Variants in MEGF6 observed in about 807,000 individuals in gnomAD.
The protein encoded by MEGF6 is multiple epidermal growth factor-like domains protein 6.
In MEGF6, 184 loss-of-function variants were observed where a neutral mutation model predicts 207.1. The observed-to-expected ratio is 0.89, with a 90% CI of 0.79 to 1.00. The LOEUF is 1.00. Ranked by LOEUF, MEGF6 falls within the 50% of genes least tolerant of loss-of-function variation. The pLI, the probability that MEGF6 is intolerant of heterozygous loss-of-function variation, is 0.00. For missense variants in MEGF6, 2,282 were observed against 2,202.9 expected, an observed-to-expected ratio of 1.04 and a Z score of -0.72; for synonymous variants, 1,038 against 910.0, an observed-to-expected ratio of 1.14 and a Z score of -2.53.
chr1:3,516,041 G>C (rs577569256), intron 5 of MEGF6, among the ~76,000 whole-genome samples: 63 of 152,320 alleles, frequency 4.1e-4, no homozygotes, highest in African/African-American at 1.4e-3. Context: ...TGGGCCACAG[G>C]CTTGGCCCCC....
rs558096928 is a variant in MEGF6 at position 3,490,691 on chromosome 1, G to GCAGCT, written c.4565-107_4565-103dup. The GCAGCT allele has an allele frequency of 7.9e-3, 8,622 of 1,091,442 alleles. 52 individuals are homozygous for GCAGCT. Among genetic ancestry groups the GCAGCT allele is most frequent in the Non-Finnish European group, 9.7e-3 (7,473 of 772,614 alleles). 67.6% of individuals were successfully genotyped at this position (1,091,442 alleles called of 1,614,324 possible). ...CCTCTCCCTCCCACCCCTCCCTTCA[G>GCAGCT]CAGCTCAGCCCAGCAGGTGGGTGGG... On this transcript the variant is annotated intron_variant, in intron 36 of 36. Transcript: ENST00000356575.
intron 1 of MEGF6, among the ~76,000 whole-genome samples, chr1:3,605,579 CAT>C (rs943741641): frequency 2.0e-5 from 3 of 151,150 alleles, no homozygotes; most frequent in Non-Finnish European, 4.4e-5. Context: ...CATACACACA[CAT>C]ACACTCATAC....
At chr1:3,544,248 C>T (rs1414297002) in intron 4 of MEGF6, among the ~76,000 whole-genome samples, 3 of 150,906 alleles carry the variant, frequency 2.0e-5, no homozygotes, top group Admixed American at 6.6e-5. Flanking sequence ...AGCATCGCAG[C>T]GGCATCAGGC....
the MEGF6 span, among the ~76,000 whole-genome samples, chr1:3,620,906 C>T: frequency 2.6e-5 from 4 of 152,212 alleles, no homozygotes; most frequent in Non-Finnish European, 4.4e-5. Context: ...GTTCACATGT[C>T]CACTGGACAG....
intron 2 of MEGF6, among the ~76,000 whole-genome samples, chr1:3,598,538 G>A (rs1353563168): frequency 4.6e-5 from 7 of 152,150 alleles, no homozygotes; most frequent in Admixed American, 3.3e-4. Flanking sequence ...GCCGGGCTAC[G>A]TGCTGCTTCC....
chr1:3,540,490 C>T (rs184461680), intron 4 of MEGF6, among the ~76,000 whole-genome samples: 18 of 152,312 alleles, frequency 1.2e-4, no homozygotes, highest in East Asian at 9.7e-4. Context: ...GGCCCATGGG[C>T]GAGGGATGCT....
chr1:3,598,706 T>G, intron 2 of MEGF6, among the ~76,000 whole-genome samples: 2 of 129,564 alleles, frequency 1.5e-5, no homozygotes, highest in Non-Finnish European at 3.2e-5. Flanking sequence ...GGGGTCGTCA[T>G]GGTAACGAGC....
chr1:3,531,123 C>T (rs2101375939), intron 4 of MEGF6: 1 of 1,529,474 alleles, frequency 6.5e-7, no homozygotes, highest in African/African-American at 1.4e-5. Flanking sequence ...CGGCCTGGCC[C>T]AGGTGACATG....
At chr1:3,499,449 C>T in intron 23 of MEGF6, 139 bp downstream of exon 23, 2 of 1,423,194 alleles carry the variant, frequency 1.4e-6, no homozygotes, top group African/African-American at 2.8e-5. Context: ...ACGCTCTGGC[C>T]CGAGTGAGCA....
At chr1:3,603,663 T>C (rs1194042734) in intron 1 of MEGF6, among the ~76,000 whole-genome samples, 1 of 151,860 alleles carries the variant, frequency 6.6e-6, no homozygotes, top group East Asian at 2.0e-4. Flanking sequence ...GCAGGTGGCA[T>C]GGGTTCCCCC....
At chr1:3,601,015 G>GTA (rs1187629145) in intron 2 of MEGF6, among the ~76,000 whole-genome samples, 4 of 152,266 alleles carry the variant, frequency 2.6e-5, no homozygotes, top group Admixed American at 6.5e-5. Flanking sequence ...GCCGGGAGGG[G>GTA]ATCCCCTGCC....
chr1:3,570,828 G>A (rs950804869), intron 4 of MEGF6, among the ~76,000 whole-genome samples: 3 of 152,214 alleles, frequency 2.0e-5, no homozygotes, highest in African/African-American at 4.8e-5. Context: ...CTGCTCAGGA[G>A]GCTAGTCATC....
intron 2 of MEGF6, among the ~76,000 whole-genome samples, chr1:3,595,743 G>A (rs891684600): frequency 3.9e-5 from 6 of 152,182 alleles, no homozygotes; most frequent in Non-Finnish European, 7.4e-5. Flanking sequence ...CCCTCCCGAC[G>A]GTGGTCCTGG....
At chr1:3,619,009 C>T in the MEGF6 span, among the ~76,000 whole-genome samples, 3 of 152,178 alleles carry the variant, frequency 2.0e-5, no homozygotes, top group African/African-American at 7.2e-5. Flanking sequence ...ACAGGCAGGA[C>T]CCACTGATTT....
chr1:3,530,057 C>T (rs1374247654), intron 4 of MEGF6, among the ~76,000 whole-genome samples: 2 of 152,236 alleles, frequency 1.3e-5, no homozygotes, highest in Non-Finnish European at 2.9e-5. Context: ...AGCTCCCGAG[C>T]GCCCAGCGAC....
At chr1:3,512,896 G>T (rs1641403733) in intron 7 of MEGF6, among the ~76,000 whole-genome samples, 1 of 152,236 alleles carries the variant, frequency 6.6e-6, no homozygotes, top group South Asian at 2.1e-4. Context: ...CACTGGGGCA[G>T]TGGCAGCCCG....
chr1:3,512,068 C>T lies in MEGF6; in HGVS notation c.914G>A (p.Gly305Glu). ...QCAHGCLNTQGSFKCVCHAGY... is the reference protein window; with the variant it reads ...QCAHGCLNTQESFKCVCHAGY... ...CGCGTGACACACGCACTTGAAGGACCCCTGGGTGTTGAGGCAGCCATGGGC... is the reference window on the plus strand; with the variant it reads ...CGCGTGACACACGCACTTGAAGGACTCCTGGGTGTTGAGGCAGCCATGGGC... Residue 305 changes from glycine to glutamate, a missense_variant, in exon 8 of 37, where the codon GGG becomes GAG. By Grantham distance (98) the Gly-to-Glu change is moderately conservative. Transcript: ENST00000356575. 6.2e-7 allele frequency: 1 copy of T among 1,612,622 alleles called. No homozygotes were observed. The highest frequency in any genetic ancestry group is 1.7e-5 in the Admixed American group (1 of 60,000).
Position 3,501,836 on chromosome 1 carries a change from G to A in MEGF6, c.2274C>T (p.Cys758=), listed in dbSNP as rs1640883507. The change falls in exon 18 of 37, where the codon TGC becomes TGT. Residue 758 remains cysteine, a synonymous_variant. Coordinates refer to ENST00000356575, the MANE Select transcript of MEGF6 (RefSeq NM_001409.4). ...CCCCAGTCCTCCCCGGCGGACACCGGCACTGCCCCGTGACCCCGTGGCAGG... is the reference window on the plus strand; with the variant it reads ...CCCCAGTCCTCCCCGGCGGACACCGACACTGCCCCGTGACCCCGTGGCAGG... The part of the protein sequence containing the change: ...GAPCHGVTGQ[C]RCPPGRTGED... The A allele has an allele frequency of 6.2e-7, 1 of 1,608,142 alleles. No individual in the cohort carries two copies. Among genetic ancestry groups the A allele is most frequent in the Admixed American group, 1.7e-5 (1 of 58,524 alleles).
intron 34 of MEGF6, 143 bp downstream of exon 34, chr1:3,493,628 C>A (rs1335603706): frequency 2.6e-6 from 3 of 1,173,080 alleles, no homozygotes; most frequent in Non-Finnish European, 3.5e-6. Context: ...CCAGCCCCCC[C>A]AGGGGGCACA....
Sources: allele counts gnomAD v4.1 joint callset (sites outside exome capture counted in the v4.1 genomes callset), GRCh38; gene constraint gnomAD v4.1.1; transcripts MANE v1.5; gene names NCBI Gene and HGNC (gene_info 2026-07-23, HGNC 2026-07-21).